Variants in GARS1 observed in about 807,000 individuals in gnomAD.
GARS1 encodes the protein glycyl-tRNA synthetase 1, also known as glycine--tRNA ligase.
GARS1 carries 46 observed loss-of-function variants against 86.4 expected under a neutral mutation model. That is an observed-to-expected ratio of 0.53 (90% CI 0.42 to 0.68). The LOEUF is 0.68. Among genes scored for constraint, GARS1 ranks in the 30% least tolerant of loss-of-function variants. The pLI is 0.00. For synonymous variants in GARS1, 342 were observed against 329.8 expected (o/e 1.04, Z -0.40); for missense variants, 797 against 915.6 (o/e 0.87, Z 1.67).
At chr7:30,627,026 T>C (rs1783143385) in intron 13 of GARS1, 1 of 460,160 alleles carries the variant, frequency 2.2e-6, no homozygotes, top group South Asian at 1.6e-5. Context: ...TTGCATGCTT[T>C]TTTAAAAGTT....
chr7:30,624,950 C>CTT (rs546589054), intron 12 of GARS1, among the ~76,000 whole-genome samples: 1 of 149,170 alleles, frequency 6.7e-6, no homozygotes, highest in African/African-American at 2.5e-5. Flanking sequence ...AATTACAACT[C>CTT]TTTTTTTTTT....
Position 30,632,492 on chromosome 7 carries a change from C to G in GARS1, c.2094+55C>G. The G allele has an allele frequency of 1.9e-6, 3 of 1,565,038 alleles. No homozygotes were observed. Among genetic ancestry groups the G allele is most frequent in the Non-Finnish European group, 2.6e-6 (3 of 1,136,166 alleles). ...CCTTAGAAATGTGTACTGCTTCTTA[C>G]TGATTTGTGTTGGATTTTGATGTGT... On this transcript the variant is annotated intron_variant, in intron 16 of 16. Coordinates refer to ENST00000389266, the MANE Select transcript of GARS1 (RefSeq NM_002047.4). The surrounding 1 kb of genome is among the most constrained non-coding windows in gnomAD (Gnocchi z 4.1).
chr7:30,628,557 C>T lies in GARS1; in HGVS notation c.1700-3C>T. On this transcript the variant is annotated splice_region_variant and splice_polypyrimidine_tract_variant and intron_variant, in intron 13 of 16. Transcript: ENST00000389266. ...TGTTATTGAATTTCTATCTCTTTTTCAGTGGAAGAAGTTGTTCCGAATGTA... is the reference window on the plus strand; with the variant it reads ...TGTTATTGAATTTCTATCTCTTTTTTAGTGGAAGAAGTTGTTCCGAATGTA... The T allele has an allele frequency of 6.3e-7, 1 of 1,592,892 alleles. No homozygotes were observed. Among genetic ancestry groups the T allele is most frequent in the Non-Finnish European group, 8.6e-7 (1 of 1,161,148 alleles).
intron 12 of GARS1, among the ~76,000 whole-genome samples, chr7:30,623,031 G>T (rs1783049345): frequency 6.6e-6 from 1 of 151,304 alleles, no homozygotes; most frequent in South Asian, 2.1e-4. Context: ...AACCTGGGAG[G>T]CGGAGCTTGC....
At chr7:30,630,673 G>A (rs1363759493) in intron 14 of GARS1, among the ~76,000 whole-genome samples, 1 of 151,970 alleles carries the variant, frequency 6.6e-6, no homozygotes, top group Non-Finnish European at 1.5e-5. Flanking sequence ...ACAATGCCCA[G>A]CTAATTTTTT....
At chr7:30,627,753 C>T (rs544642983) in intron 13 of GARS1, among the ~76,000 whole-genome samples, 1 of 152,300 alleles carries the variant, frequency 6.6e-6, no homozygotes, top group South Asian at 2.1e-4. Context: ...TGGTTCTGAA[C>T]AAGTTCTTAT....
At chr7:30,612,637 G>A (rs935209901) in intron 8 of GARS1, among the ~76,000 whole-genome samples, 4 of 152,128 alleles carry the variant, frequency 2.6e-5, no homozygotes, top group African/African-American at 7.2e-5. Flanking sequence ...TGTGGCAGGA[G>A]GATTGTTCTA....
At chr7:30,617,344 A>G (rs1457186461) in intron 10 of GARS1, 66 bp downstream of exon 10, 5 of 1,543,752 alleles carry the variant, frequency 3.2e-6, no homozygotes, top group Admixed American at 1.8e-5. Context: ...GTACCAAATG[A>G]ATTTTTGTGC....
chr7:30,598,192 C>G (rs778569987), intron 1 of GARS1, among the ~76,000 whole-genome samples: 17 of 151,894 alleles, frequency 1.1e-4, no homozygotes, highest in Non-Finnish European at 2.2e-4. Context: ...CTTGCTCTTT[C>G]CTACTTTTTA....
chr7:30,595,092 C>T lies in GARS1; in HGVS notation c.171C>T (p.Gly57=), dbSNP rs772448959. Residue 57 remains glycine, a synonymous_variant, in exon 1 of 17, where the codon GGC becomes GGT. Transcript: ENST00000389266. ...CCGCCTCCCGGAGCAGCATGGACGG[C>T]GCGGGGGCTGAGGAGGTGCTGGCAC... is the stretch of plus-strand genomic sequence containing the variant. The part of the protein sequence containing the change: ...PAAASRSSMD[G]AGAEEVLAPL... The T allele has an allele frequency of 2.6e-6, 4 of 1,543,916 alleles. No individual in the cohort carries two copies. In the African/African-American group the frequency reaches 4.1e-5, roughly 16 times the overall value.
intron 14 of GARS1, among the ~76,000 whole-genome samples, chr7:30,629,840 A>T (rs1412651851): frequency 1.3e-5 from 2 of 152,252 alleles, no homozygotes; most frequent in African/African-American, 4.8e-5. Flanking sequence ...TGACAAACAT[A>T]ACTGCATGTG....
rs1166179728 is a variant in GARS1, at chr7:30,615,931, A to G, written c.1067A>G (p.Asp356Gly). The change falls in exon 9 of 17, where the codon GAT becomes GGT. Residue 356 changes from aspartate to glycine, a missense_variant. Around this residue, in one of 2 missense-constraint regions of GARS1, gnomAD observed 598 missense variants for 738.7 expected, o/e 0.81. Coordinates refer to ENST00000389266, the MANE Select transcript of GARS1 (RefSeq NM_002047.4). The part of the protein sequence containing the change: ...FTMAEIEHFV[D>G]PSEKDHPKFQ... ...ATGGCAGAAATTGAGCACTTTGTAG[A>G]TCCCAGTGAGAAAGACCACCCCAAG... The G allele has an allele frequency of 3.1e-6, 5 of 1,614,086 alleles. No individual in the cohort carries two copies. The African/African-American group carries it at 5.3e-5, about 17-fold the overall frequency.
chr7:30,632,035 T>C lies in GARS1; in HGVS notation c.1904-212T>C. 1 of 576,752 alleles carries C rather than the reference T, an allele frequency of 1.7e-6. No individual in the cohort carries two copies. The highest frequency in any genetic ancestry group is 2.6e-5 in the Admixed American group (1 of 38,354). 35.7% of individuals were successfully genotyped at this position (576,752 alleles called of 1,614,324 possible). On this transcript the variant is annotated intron_variant, in intron 15 of 16. Coordinates refer to ENST00000389266, the MANE Select transcript of GARS1 (RefSeq NM_002047.4). The surrounding 1 kb of genome is among the most constrained non-coding windows in gnomAD (Gnocchi z 4.1). ...CTTGGTCCCATATTTGTTCCCCCTA[T>C]AGCTGTATCAGATGGAGGTATGAGT... is the stretch of plus-strand genomic sequence containing the variant.
intron 8 of GARS1, chr7:30,614,435 A>T (rs1305798372): frequency 6.6e-6 from 1 of 152,176 alleles, no homozygotes; most frequent in African/African-American, 2.4e-5. Context: ...TGTCAGCCCA[A>T]TTATAAGCTA....
chr7:30,598,873 C>G lies in GARS1; in HGVS notation c.300C>G (p.Ala100=), dbSNP rs781432743. The change falls in exon 2 of 17, where the codon GCC becomes GCG. Residue 100 remains alanine (A), a synonymous_variant. Transcript: ENST00000389266. ...DVDKAVAELK[A]RKRVLEAKEL... ...ACAAAGCAGTGGCTGAGCTCAAAGC[C>G]CGCAAGAGGGTTCTGGAAGCAAAGG... 7 of 1,613,938 alleles carry G rather than the reference C, an allele frequency of 4.3e-6. No individual in the cohort carries two copies. Among genetic ancestry groups the G allele is most frequent in the African/African-American group, 2.7e-5 (2 of 74,906 alleles).
At chr7:30,616,337 T>G (rs1412523941) in intron 9 of GARS1, among the ~76,000 whole-genome samples, 1 of 152,212 alleles carries the variant, frequency 6.6e-6, no homozygotes, top group East Asian at 1.9e-4. Context: ...CTCACCAATC[T>G]GACTCAACAG....
intron 15 of GARS1, 141 bp downstream of exon 15, chr7:30,631,682 T>C: frequency 4.4e-6 from 3 of 674,628 alleles, no homozygotes; most frequent in Non-Finnish European, 7.9e-6. Context: ...GATTTTAGCC[T>C]GTACTCTTAT....
intron 6 of GARS1, among the ~76,000 whole-genome samples, chr7:30,606,305 CT>C (rs35302357): frequency 0.039 from 5,024 of 127,476 alleles, 110 homozygotes; most frequent in Middle Eastern, 0.086. Flanking sequence ...CATTGTTATT[CT>C]TTTTTTTTTT....
intron 5 of GARS1, 137 bp downstream of exon 5, chr7:30,603,259 C>A: frequency 1.3e-6 from 1 of 765,004 alleles, no homozygotes; most frequent in Non-Finnish European, 2.2e-6. Context: ...GTATATAGAT[C>A]AAGTCCTTTA....
Sources: gnomAD v4.1 joint callset for allele counts (sites outside exome capture counted in the v4.1 genomes callset) on GRCh38, gnomAD v4.1.1 for gene constraint, gnomAD v4.1.1 regional missense constraint, Gnocchi (gnomAD v3.1) non-coding constraint, MANE v1.5 for transcripts, NCBI Gene and HGNC (gene_info 2026-07-23, HGNC 2026-07-21) for gene names.